Variants in MED13L observed in about 807,000 individuals in gnomAD.
The protein encoded by MED13L is mediator of RNA polymerase II transcription subunit 13-like.
A neutral mutation model predicts 220.9 loss-of-function variants in MED13L; 7 were observed. The ratio of observed to expected loss-of-function variants is 0.03; its 90% confidence interval spans 0.02 to 0.06. The LOEUF is 0.06. Among genes scored for constraint, MED13L ranks in the 10% least tolerant of loss-of-function variants. MED13L has a pLI of 1.00. For missense variants in MED13L, 1,965 were observed against 2,760.5 expected (o/e 0.71, Z 6.46); for synonymous variants, 1,011 against 1,015.2 (o/e 1.00, Z 0.08).
intron 2 of MED13L, among the ~76,000 whole-genome samples, chr12:116,117,323 G>C (rs1261698978): frequency 6.6e-6 from 1 of 152,118 alleles, no homozygotes; most frequent in African/African-American, 2.4e-5. Context: ...GGAAATTTGA[G>C]GGGTGATGCC....
chr12:115,968,053 T>TTCCCCC (rs1491288278), intron 28 of MED13L, among the ~76,000 whole-genome samples: 18 of 40,608 alleles, frequency 4.4e-4, no homozygotes, highest in Non-Finnish European at 6.7e-4. Context: ...GGAATAAAAG[T>TTCCCCC]CCCCCCCCCC....
intron 8 of MED13L, among the ~76,000 whole-genome samples, 183 bp from the exon 9 acceptor site, chr12:116,013,084 C>T (rs148804403): frequency 3.3e-5 from 5 of 152,260 alleles, no homozygotes; most frequent in Non-Finnish European, 5.9e-5. Context: ...CAAAATGTTT[C>T]CATTTGGCTG....
intron 15 of MED13L, 64 bp from the exon 16 acceptor site, chr12:115,996,745 A>C (rs887707618): frequency 1.4e-6 from 2 of 1,412,512 alleles, no homozygotes; most frequent in African/African-American, 2.8e-5. Context: ...CCACAGTGGC[A>C]TAGTGCTATC....
At chr12:116,238,399 C>A (rs1376261483) in intron 1 of MED13L, among the ~76,000 whole-genome samples, 1 of 152,186 alleles carries the variant, frequency 6.6e-6, no homozygotes, top group East Asian at 1.9e-4. Context: ...AATACTGTAT[C>A]TTTGATCCAT....
In MED13L at chr12:115,987,304, G is replaced by A; in HGVS notation, c.3935-16C>T. 1 of 1,609,632 alleles carries A rather than the reference G, an allele frequency of 6.2e-7. No homozygotes were observed. Among genetic ancestry groups the A allele is most frequent in the Non-Finnish European group, 8.5e-7 (1 of 1,178,524 alleles). On this transcript the variant is annotated splice_polypyrimidine_tract_variant and intron_variant, in intron 17 of 30. Coordinates refer to ENST00000281928, the MANE Select transcript of MED13L (RefSeq NM_015335.5). ...ATGTCCAGCACTGGAAGAGAAGTGA[G>A]AAGAAACAGAGAAGATAAGGGGGCT...
intron 2 of MED13L, among the ~76,000 whole-genome samples, chr12:116,119,115 A>G (rs1874783877): frequency 6.6e-6 from 1 of 152,186 alleles, no homozygotes; most frequent in Admixed American, 6.5e-5. Context: ...ACTATCATTA[A>G]GAGTCCTAAT....
At chr12:116,105,167 A>G (rs996125711) in intron 3 of MED13L, among the ~76,000 whole-genome samples, 1 of 152,214 alleles carries the variant, frequency 6.6e-6, no homozygotes, top group Non-Finnish European at 1.5e-5. Flanking sequence ...ATTGATAGCC[A>G]AAGTACTTTT....
rs999095178 is a variant in MED13L, at chr12:115,991,289, G to A, written c.3665C>T (p.Pro1222Leu). The A allele has an allele frequency of 1.2e-6, 2 of 1,614,116 alleles. No homozygotes were observed. Among genetic ancestry groups the A allele is most frequent in the Non-Finnish European group, 1.7e-6 (2 of 1,180,024 alleles). Residue 1222 changes from proline to leucine, a missense_variant, in exon 17 of 31, where the codon CCC (proline) becomes CTC (leucine). By Grantham distance (98) the Pro-to-Leu change is moderately conservative (BLOSUM62 -3). This residue lies in a region of MED13L where 165 missense variants were observed against 190.8 expected (regional missense o/e 0.86). Coordinates refer to ENST00000281928, the MANE Select transcript of MED13L (RefSeq NM_015335.5). The surrounding 1 kb of genome is among the most constrained non-coding windows in gnomAD (Gnocchi z 7.7). ...CTGGAGGAGGAGGAGAAGGCTTATG[G>A]GTGGCTCCTGGGGTTTTTTGGTTCC... ...VEGTKKPQEP[P>L]ISLLLLLQNQ...
intron 2 of MED13L, among the ~76,000 whole-genome samples, chr12:116,198,088 T>C (rs1005138027): frequency 6.6e-6 from 1 of 152,196 alleles, no homozygotes; most frequent in Non-Finnish European, 1.5e-5. Context: ...ATGATGTTAT[T>C]TGTTACTTTC....
At chr12:116,070,660 A>G (rs1870297898) in intron 4 of MED13L, among the ~76,000 whole-genome samples, 1 of 152,212 alleles carries the variant, frequency 6.6e-6, no homozygotes, top group Non-Finnish European at 1.5e-5. Context: ...CCAGAATAAT[A>G]TACAAGCATG....
At chr12:116,072,496 G>A (rs1870458831) in intron 4 of MED13L, among the ~76,000 whole-genome samples, 1 of 152,164 alleles carries the variant, frequency 6.6e-6, no homozygotes, top group South Asian at 2.1e-4. Flanking sequence ...CTGCCGCCCA[G>A]GCTAGAGTGC....
At chr12:116,226,595 G>T (rs1043033508) in intron 2 of MED13L, among the ~76,000 whole-genome samples, 1 of 152,232 alleles carries the variant, frequency 6.6e-6, no homozygotes, top group African/African-American at 2.4e-5. Context: ...TCGGCCAGGA[G>T]TGGCGGCTCA....
intron 1 of MED13L, among the ~76,000 whole-genome samples, chr12:116,241,811 T>TGAAACACTAATCAA (rs1266548299): frequency 1.1e-4 from 17 of 152,140 alleles, no homozygotes; most frequent in African/African-American, 3.9e-4. Flanking sequence ...AATGTTACAA[T>TGAAACACTAATCAA]GAAACACTAA....
chr12:116,171,727 C>T lies in MED13L; in HGVS notation c.311-60215G>A, dbSNP rs1242875717. 3.9e-5 allele frequency among the ~76,000 whole-genome samples: 6 copies of T among 152,156 alleles called. No individual in the cohort carries two copies. The East Asian group carries it at 9.6e-4, about 24-fold the overall frequency. On this transcript the variant is annotated intron_variant, in intron 2 of 30. Coordinates refer to ENST00000281928, the MANE Select transcript of MED13L (RefSeq NM_015335.5). ...GTACAATCCTTCTGTAACATAGCCT[C>T]GATACCATGTTAGCTTTATTAGTCA...
intron 4 of MED13L, among the ~76,000 whole-genome samples, chr12:116,029,959 T>C (rs998734195): frequency 1.2e-4 from 17 of 145,666 alleles, no homozygotes; most frequent in Admixed American, 7.4e-4. Flanking sequence ...TTTGGGTTTT[T>C]TGTTTGTTTG....
chr12:116,020,325 T>C (rs945598628), intron 5 of MED13L, among the ~76,000 whole-genome samples: 6 of 152,188 alleles, frequency 3.9e-5, no homozygotes, highest in African/African-American at 1.4e-4. Flanking sequence ...GATAGTACAA[T>C]GTTATCAGAC....
At chr12:116,056,456 T>C (rs1051786303) in intron 4 of MED13L, among the ~76,000 whole-genome samples, 4 of 152,110 alleles carry the variant, frequency 2.6e-5, no homozygotes, top group Non-Finnish European at 5.9e-5. Flanking sequence ...CTTGAACTCC[T>C]GGGCTCAAGC....
chr12:116,246,920 G>C (rs1386756535), intron 1 of MED13L, among the ~76,000 whole-genome samples: 1 of 133,798 alleles, frequency 7.5e-6, no homozygotes, highest in Non-Finnish European at 1.6e-5. Context: ...GAGGGGAGTG[G>C]GGAGAGGAGG....
At chr12:115,967,093 C>T (rs751913017) in intron 28 of MED13L, among the ~76,000 whole-genome samples, 7 of 147,136 alleles carry the variant, frequency 4.8e-5, no homozygotes, top group Non-Finnish European at 8.9e-5. Context: ...ATCCCTTGAA[C>T]CCAGGAGGCA....
Sources: allele counts gnomAD v4.1 joint callset (sites outside exome capture counted in the v4.1 genomes callset), GRCh38; gene constraint gnomAD v4.1.1; regional missense constraint gnomAD v4.1.1; non-coding constraint Gnocchi (gnomAD v3.1); transcripts MANE v1.5; gene names NCBI Gene and HGNC (gene_info 2026-07-23, HGNC 2026-07-21).